The following ARRDC4 variants were observed in gnomAD, a reference collection of about 807,000 sequenced individuals.
ARRDC4 encodes the protein arrestin domain containing 4.
In ARRDC4, 40 loss-of-function variants were observed where a neutral mutation model predicts 44.6. That is an observed-to-expected ratio of 0.90 (90% CI 0.70 to 1.17). ARRDC4 has a LOEUF of 1.17. Ranked by LOEUF, ARRDC4 falls within the 50% of genes most tolerant of loss-of-function variation. The pLI, the probability that ARRDC4 is intolerant of heterozygous loss-of-function variation, is 0.00. For synonymous variants in ARRDC4, 211 were observed against 221.2 expected, an observed-to-expected ratio of 0.95 and a Z score of 0.41; for missense variants, 550 against 559.1, an observed-to-expected ratio of 0.98 and a Z score of 0.16.
chr15:97,961,161 C>T lies in ARRDC4; in HGVS notation c.300C>T (p.Pro100=), dbSNP rs1209350831. The change falls in exon 1 of 8, where the codon CCC becomes CCT. Residue 100 remains proline, a synonymous_variant. Transcript: ENST00000268042. ...ACGTGCGCCTCAGCCTGCGGGAGCC[C>T]CCGGCCGGTAAGCGCAGGCGAGCGC... The part of the protein sequence containing the change: ...YLNVRLSLRE[P]PAGEGIILLQ... 9 of 1,435,676 alleles carry T rather than the reference C, an allele frequency of 6.3e-6. No individual in the cohort carries two copies. Among genetic ancestry groups the T allele is most frequent in the Non-Finnish European group, 8.1e-6 (9 of 1,105,116 alleles). 88.9% of individuals were successfully genotyped at this position (1,435,676 alleles called of 1,614,324 possible). A position where few individuals can be genotyped will look rare whatever the true frequency, so the allele number is the denominator to read the frequency against.
intron 1 of ARRDC4, among the ~76,000 whole-genome samples, chr15:97,961,428 C>T: frequency 6.6e-6 from 1 of 152,076 alleles, no homozygotes; most frequent in Non-Finnish European, 1.5e-5. Context: ...CGGGAGGGGG[C>T]CATTGGGTGC....
rs75118759 is a variant in ARRDC4, at chr15:97,970,257, A to G, written c.1045+212A>G. ...ACGCAAAGCTGCTGATAGCAGATTC[A>G]GGAATAAGATGTACATTTCCTAATT... On this transcript the variant is annotated intron_variant, in intron 6 of 7. Transcript: ENST00000268042. This position sits in a 1 kb window ranked among gnomAD's most constrained non-coding sequence, Gnocchi z 4.2. Among the ~76,000 whole-genome samples the G allele has an allele frequency of 0.034, 5,109 of 152,252 alleles. 152 individuals are homozygous for G. The highest frequency in any genetic ancestry group is 0.08 in the African/African-American group (3,305 of 41,544).
chr15:97,962,118 GC>G (rs1899334043), intron 1 of ARRDC4, among the ~76,000 whole-genome samples: 1 of 152,160 alleles, frequency 6.6e-6, no homozygotes, highest in Non-Finnish European at 1.5e-5. Flanking sequence ...ACAATGGTAT[GC>G]ACCTCCTCTC....
Position 97,969,495 on chromosome 15 carries a change from C to A in ARRDC4, c.882+116C>A. 24 of 1,139,828 alleles carry A rather than the reference C, an allele frequency of 2.1e-5. No individual in the cohort carries two copies. In the South Asian group the frequency reaches 3.5e-4, roughly 17 times the overall value. 70.6% of individuals were successfully genotyped at this position (1,139,828 alleles called of 1,614,324 possible). A position where few individuals can be genotyped will look rare whatever the true frequency, so the allele number is the denominator to read the frequency against. On this transcript the variant is annotated intron_variant, in intron 5 of 7. Coordinates refer to ENST00000268042, the MANE Select transcript of ARRDC4 (RefSeq NM_183376.3). ...TGTCATTTTATTTCAGCATTAACACCAATTGGGGACTGTATGAAGATTGGC... is the reference window on the plus strand; with the variant it reads ...TGTCATTTTATTTCAGCATTAACACAAATTGGGGACTGTATGAAGATTGGC...
chr15:97,968,681 A>G lies in ARRDC4; in HGVS notation c.626-442A>G, dbSNP rs934600405. Among the ~76,000 whole-genome samples the G allele has an allele frequency of 1.3e-5, 2 of 152,216 alleles. No individual in the cohort carries two copies. The highest frequency in any genetic ancestry group is 2.9e-5 in the Non-Finnish European group (2 of 68,032). On this transcript the variant is annotated intron_variant, in intron 4 of 7. Transcript: ENST00000268042. The surrounding 1 kb of genome is among the most constrained non-coding windows in gnomAD (Gnocchi z 5.4). ...AGCCATAATGTTATAAAACTTGCCT[A>G]ATCCATCCGTTGATTCTTTCTGTGC...
intron 1 of ARRDC4, among the ~76,000 whole-genome samples, chr15:97,961,874 G>A (rs1380791368): frequency 6.6e-6 from 1 of 152,124 alleles, no homozygotes; most frequent in Non-Finnish European, 1.5e-5. Flanking sequence ...GAGCATCAGG[G>A]CGTGTCGGGA....
intron 1 of ARRDC4, 100 bp downstream of exon 1, chr15:97,961,268 A>C: frequency 8.8e-7 from 1 of 1,135,278 alleles, no homozygotes; most frequent in Non-Finnish European, 1.1e-6. Context: ...GGCAGGTGAG[A>C]TCAGGGCGGG....
chr15:97,967,895 T>G lies in ARRDC4; in HGVS notation c.523-119T>G. 1 of 585,868 alleles carries G rather than the reference T, an allele frequency of 1.7e-6. No individual in the cohort carries two copies. Among genetic ancestry groups the G allele is most frequent in the Non-Finnish European group, 2.8e-6 (1 of 355,246 alleles). 36.3% of individuals were successfully genotyped at this position (585,868 alleles called of 1,614,324 possible). On this transcript the variant is annotated intron_variant, in intron 3 of 7. Coordinates refer to ENST00000268042, the MANE Select transcript of ARRDC4 (RefSeq NM_183376.3). This position sits in a 1 kb window ranked among gnomAD's most constrained non-coding sequence, Gnocchi z 5.0. ...ATATGTTACATGAGGATAAGAAAGTTTGATTCATTTTTTTGGTATTTCCTT... is the reference window on the plus strand; with the variant it reads ...ATATGTTACATGAGGATAAGAAAGTGTGATTCATTTTTTTGGTATTTCCTT...
Position 97,965,703 on chromosome 15 carries a change from C to G in ARRDC4, c.374+37C>G. The G allele has an allele frequency of 6.3e-7, 1 of 1,577,920 alleles. No homozygotes were observed. The highest frequency in any genetic ancestry group is 8.7e-7 in the Non-Finnish European group (1 of 1,147,192). ...ACTACAATTTTGTGGTTATCCTTCTCTGCAGTATGTCCATTCAAGTTTATC... is the reference window on the plus strand; with the variant it reads ...ACTACAATTTTGTGGTTATCCTTCTGTGCAGTATGTCCATTCAAGTTTATC... On this transcript the variant is annotated intron_variant, in intron 2 of 7. Coordinates refer to ENST00000268042, the MANE Select transcript of ARRDC4 (RefSeq NM_183376.3). This position sits in a 1 kb window ranked among gnomAD's most constrained non-coding sequence, Gnocchi z 5.1.
intron 1 of ARRDC4, among the ~76,000 whole-genome samples, chr15:97,964,352 C>G (rs2141533082): frequency 6.6e-6 from 1 of 152,090 alleles, no homozygotes; most frequent in East Asian, 1.9e-4. Context: ...AGGCAAATCT[C>G]AGAGTTCTGT....
rs941819745 is a variant in ARRDC4 at position 97,971,467 on chromosome 15, G to A, written c.*280G>A. 4.8e-6 allele frequency: 2 copies of A among 418,826 alleles called. No individual in the cohort carries two copies. The highest frequency in any genetic ancestry group is 8.8e-6 in the Non-Finnish European group (2 of 227,244). 25.9% of individuals were successfully genotyped at this position (418,826 alleles called of 1,614,324 possible). ...AAGTCCTGATGGTTACAGAGTAAGT[G>A]AAAGGGTGCCTGCGCTGACGTGAGA... On this transcript the variant is annotated 3_prime_UTR_variant, in exon 8 of 8. Transcript: ENST00000268042.
Position 97,967,789 on chromosome 15 carries a change from A to C in ARRDC4, c.523-225A>C, listed in dbSNP as rs966256588. 6.6e-6 allele frequency among the ~76,000 whole-genome samples: 1 copy of C among 152,022 alleles called. No individual in the cohort carries two copies. The highest frequency in any genetic ancestry group is 2.1e-4 in the South Asian group (1 of 4,822). On this transcript the variant is annotated intron_variant, in intron 3 of 7. Transcript: ENST00000268042. The surrounding 1 kb of genome is among the most constrained non-coding windows in gnomAD (Gnocchi z 5.0). ...GGGTAAAATAAGATGGTGTCATGCT[A>C]ATTTTTGAATCTGAAAATTCACTGT... is the stretch of plus-strand genomic sequence containing the variant.
chr15:97,969,020 G>A, intron 4 of ARRDC4, 103 bp from the exon 5 acceptor site: 4 of 1,216,446 alleles, frequency 3.3e-6, no homozygotes, highest in Non-Finnish European at 4.6e-6. Flanking sequence ...TTCTCAATTT[G>A]TTAAAGTGAT....
rs1200300022 is a variant in ARRDC4 at position 97,970,836 on chromosome 15, CAT to C, written c.1200+95_1200+96del. 2 of 1,387,388 alleles carry C rather than the reference CAT, an allele frequency of 1.4e-6. No homozygotes were observed. Among genetic ancestry groups the C allele is most frequent in the African/African-American group, 2.9e-5 (2 of 69,284 alleles). 85.9% of individuals were successfully genotyped at this position (1,387,388 alleles called of 1,614,324 possible). ...TTCATTAGAGTGTCTGTTGCTGACT[CAT>C]AATTAGTAAGGGATACATTTAAATT... On this transcript the variant is annotated intron_variant, in intron 7 of 7. Coordinates refer to ENST00000268042, the MANE Select transcript of ARRDC4 (RefSeq NM_183376.3). This position sits in a 1 kb window ranked among gnomAD's most constrained non-coding sequence, Gnocchi z 4.2.
In ARRDC4 at chr15:97,967,144, G is replaced by C. The variant is rs2141534735; in HGVS notation, c.523-870G>C. ...TGAAAACCATTTTTGAAAAATTGGT[G>C]ATGCCAAGTAGCTTGTATTTTTAAA... On this transcript the variant is annotated intron_variant, in intron 3 of 7. Transcript: ENST00000268042. The surrounding 1 kb of genome is among the most constrained non-coding windows in gnomAD (Gnocchi z 5.0). Among the ~76,000 whole-genome samples the C allele has an allele frequency of 6.6e-6, 1 of 152,310 alleles. No individual in the cohort carries two copies. The highest frequency in any genetic ancestry group is 3.4e-3 in the Middle Eastern group (1 of 294).
chr15:97,969,856 C>CTCTCT, intron 5 of ARRDC4, 27 bp from the exon 6 acceptor site: 1 of 1,352,678 alleles, frequency 7.4e-7, no homozygotes. Flanking sequence ...GTTCCTTTCT[C>CTCTCT]TTTTTTTTTT....
Position 97,970,985 on chromosome 15 carries a change from A to T in ARRDC4, c.1201-146A>T. 1 of 969,820 alleles carries T rather than the reference A, an allele frequency of 1.0e-6. No homozygotes were observed. Among genetic ancestry groups the T allele is most frequent in the South Asian group, 1.6e-5 (1 of 64,360 alleles). The allele number at this position is 969,820 out of a possible 1,614,324, so 60.1% of individuals were successfully genotyped here. On this transcript the variant is annotated intron_variant, in intron 7 of 7. Transcript: ENST00000268042. The surrounding 1 kb of genome is among the most constrained non-coding windows in gnomAD (Gnocchi z 4.2). ...TGCCTTTAAGGTGTGTTATTTGGCC[A>T]TGGAATATAGAGAACTTAAGCACCT...
At chr15:97,961,520 C>T (rs745405866) in intron 1 of ARRDC4, among the ~76,000 whole-genome samples, 4 of 152,178 alleles carry the variant, frequency 2.6e-5, no homozygotes, top group Non-Finnish European at 4.4e-5. Context: ...ACGGTGGAAC[C>T]GGCGGCTATG....
rs1899440676 is a variant in ARRDC4, at chr15:97,967,656, A to C, written c.523-358A>C. ...TCATTTATCCTTCCACCTGACTTTT[A>C]TATATAAAGTCTTAAAAATAATTCT... On this transcript the variant is annotated intron_variant, in intron 3 of 7. Transcript: ENST00000268042. This position sits in a 1 kb window ranked among gnomAD's most constrained non-coding sequence, Gnocchi z 5.0. 6.6e-6 allele frequency among the ~76,000 whole-genome samples: 1 copy of C among 152,104 alleles called. No homozygotes were observed. The highest frequency in any genetic ancestry group is 1.5e-5 in the Non-Finnish European group (1 of 68,026).
Sources: allele counts gnomAD v4.1 joint callset (sites outside exome capture counted in the v4.1 genomes callset), GRCh38; gene constraint gnomAD v4.1.1; non-coding constraint Gnocchi (gnomAD v3.1); transcripts MANE v1.5; gene names NCBI Gene and HGNC (gene_info 2026-07-23, HGNC 2026-07-21).